Variants in DUSP22 observed in about 807,000 individuals in gnomAD.
DUSP22 encodes the protein dual specificity protein phosphatase 22.
DUSP22 carries 24 observed loss-of-function variants against 24.5 expected under a neutral mutation model. The ratio of observed to expected loss-of-function variants is 0.98; its 90% CI spans 0.71 to 1.38. The LOEUF is 1.38. Ranked by LOEUF, DUSP22 falls within the 40% of genes most tolerant of loss-of-function variation. The pLI is 0.00. For missense variants in DUSP22, 330 were observed against 269.2 expected, an observed-to-expected ratio of 1.23 and a Z score of -1.58; for synonymous variants, 160 against 106.4, an observed-to-expected ratio of 1.50 and a Z score of -3.10.
intron 4 of DUSP22, among the ~76,000 whole-genome samples, chr6:345,240 T>TTC (rs1491555780): frequency 6.6e-6 from 1 of 152,036 alleles, no homozygotes; most frequent in African/African-American, 2.4e-5. Flanking sequence ...TTTTTTTTTT[T>TTC]CCTCTGTTGC....
At chr6:324,274 A>G (rs1167214372) in intron 3 of DUSP22, among the ~76,000 whole-genome samples, 1 of 152,286 alleles carries the variant, frequency 6.6e-6, no homozygotes, top group East Asian at 1.9e-4. Context: ...CCATGCTAGC[A>G]GCGGCAGGCG....
At chr6:325,612 G>A (rs1257272469) in intron 3 of DUSP22, 7 of 200,648 alleles carry the variant, frequency 3.5e-5, no homozygotes, top group South Asian at 6.8e-5. Flanking sequence ...GTGCAATGCT[G>A]TATCTGCTGG....
In DUSP22 at chr6:351,319, T is replaced by C. The variant is rs1350056252; in HGVS notation, c.*2368T>C. On this transcript the variant is annotated 3_prime_UTR_variant, in exon 7 of 7. Coordinates refer to ENST00000419235, the MANE Select transcript of DUSP22 (RefSeq NM_001286555.3). ...GTGGTGGAATTGACCGAAAGCTCTA[T>C]GTTTTCGTTAATAAAGGGCAACTTA... 6 of 174,546 alleles carry C rather than the reference T, an allele frequency of 3.4e-5. No individual in the cohort carries two copies. In the East Asian group the frequency reaches 8.1e-4, roughly 23 times the overall value. The allele number at this position is 174,546 out of a possible 1,614,324, so 10.8% of individuals were successfully genotyped here.
At chr6:343,497 A>G (rs1287397223) in intron 4 of DUSP22, among the ~76,000 whole-genome samples, 2 of 152,306 alleles carry the variant, frequency 1.3e-5, no homozygotes, top group Non-Finnish European at 2.9e-5. Flanking sequence ...TGCAGTGCCC[A>G]CTCTGGTCTG....
intron 2 of DUSP22, 133 bp downstream of exon 2, chr6:304,794 C>T (rs1757746355): frequency 2.3e-6 from 3 of 1,313,696 alleles, no homozygotes; most frequent in Non-Finnish European, 3.3e-6. Context: ...CAACATCCTT[C>T]TGCAGGACTT....
rs770051624 is a variant in DUSP22 at position 292,489 on chromosome 6, A to G, written c.-51A>G. 1 of 1,598,086 alleles carries G rather than the reference A, an allele frequency of 6.3e-7. No individual in the cohort carries two copies. The highest frequency in any genetic ancestry group is 8.5e-7 in the Non-Finnish European group (1 of 1,173,066). Reference sequence around the variant, plus strand: ...GCTCCTCCTCCCTGTAACATGCCATAGTGCGCCTGCGACCACACGGCCGGG... The same window carrying G: ...GCTCCTCCTCCCTGTAACATGCCATGGTGCGCCTGCGACCACACGGCCGGG... On this transcript the variant is annotated 5_prime_UTR_variant, in exon 1 of 7. In the 5' UTR this introduces an upstream ATG that the reference lacks. Coordinates refer to ENST00000419235, the MANE Select transcript of DUSP22 (RefSeq NM_001286555.3).
chr6:334,090 T>A (rs1212101886), intron 3 of DUSP22, among the ~76,000 whole-genome samples: 1 of 152,306 alleles, frequency 6.6e-6, no homozygotes, highest in Non-Finnish European at 1.5e-5. Flanking sequence ...TTACTGAAGA[T>A]GCGTTGCGTT....
chr6:301,090 A>G, intron 1 of DUSP22, among the ~76,000 whole-genome samples: 1 of 152,306 alleles, frequency 6.6e-6, no homozygotes, highest in East Asian at 1.9e-4. Flanking sequence ...GGCTTACGTG[A>G]GCAGGTATCT....
chr6:328,305 G>C (rs879585769), intron 3 of DUSP22, among the ~76,000 whole-genome samples: 1 of 152,304 alleles, frequency 6.6e-6, no homozygotes, highest in Non-Finnish European at 1.5e-5. Flanking sequence ...TGGTGAGACG[G>C]AGCTAGAGTG....
At chr6:323,940 G>GGA (rs1758727759) in intron 3 of DUSP22, among the ~76,000 whole-genome samples, 1 of 152,310 alleles carries the variant, frequency 6.6e-6, no homozygotes, top group African/African-American at 2.4e-5. Flanking sequence ...GAGAGCAGAT[G>GGA]GAGAGTGCAA....
intron 3 of DUSP22, among the ~76,000 whole-genome samples, chr6:333,959 G>C (rs928610653): frequency 2.6e-5 from 4 of 152,308 alleles, no homozygotes; most frequent in Non-Finnish European, 4.4e-5. Context: ...AGGAGGTGTG[G>C]AAGGATTAGG....
intron 6 of DUSP22, 130 bp downstream of exon 6, chr6:348,404 G>C: frequency 7.0e-7 from 1 of 1,428,108 alleles, no homozygotes; most frequent in Non-Finnish European, 9.5e-7. Context: ...GGCTCCCAGG[G>C]CGCCCAGCTG....
intron 4 of DUSP22, among the ~76,000 whole-genome samples, chr6:338,355 G>T (rs1316520124): frequency 1.3e-5 from 2 of 152,304 alleles, no homozygotes; most frequent in African/African-American, 4.8e-5. Context: ...TCTACTGGAA[G>T]GCATAGTGTA....
chr6:298,820 G>C (rs1757453875), intron 1 of DUSP22, among the ~76,000 whole-genome samples: 1 of 152,294 alleles, frequency 6.6e-6, no homozygotes, highest in African/African-American at 2.4e-5. Context: ...TTAGACTCTG[G>C]GCAGGTTTTA....
chr6:308,106 C>T (rs1282958621), intron 2 of DUSP22, among the ~76,000 whole-genome samples: 2 of 152,294 alleles, frequency 1.3e-5, no homozygotes, highest in African/African-American at 2.4e-5. Flanking sequence ...TGCACATGAC[C>T]TTCTGGGGTT....
chr6:292,802 G>A (rs1417689797), intron 1 of DUSP22, among the ~76,000 whole-genome samples: 1 of 152,268 alleles, frequency 6.6e-6, no homozygotes, highest in East Asian at 1.9e-4. Context: ...CAGCCGGTGC[G>A]TTTTCGTGGC....
chr6:347,880 C>T (rs1376431136), intron 5 of DUSP22, among the ~76,000 whole-genome samples: 1 of 152,304 alleles, frequency 6.6e-6, no homozygotes, highest in African/African-American at 2.4e-5. Context: ...AAAAGAAGCT[C>T]AAACAGCAGA....
chr6:324,974 G>C (rs553609063), intron 3 of DUSP22, among the ~76,000 whole-genome samples: 1 of 152,302 alleles, frequency 6.6e-6, no homozygotes, highest in Non-Finnish European at 1.5e-5. Context: ...GCAGGCTGCC[G>C]CATCCTGCCG....
chr6:328,471 G>C (rs1175576747), intron 3 of DUSP22, among the ~76,000 whole-genome samples: 1 of 152,302 alleles, frequency 6.6e-6, no homozygotes, highest in East Asian at 1.9e-4. Context: ...ATGCATGTCG[G>C]TTTTTGACTA....
Sources: allele counts gnomAD v4.1 joint callset (sites outside exome capture counted in the v4.1 genomes callset), GRCh38; gene constraint gnomAD v4.1.1; transcripts MANE v1.5; gene names NCBI Gene and HGNC (gene_info 2026-07-23, HGNC 2026-07-21).